EYA1: variants seen among roughly 807,000 people sequenced by gnomAD.
The protein encoded by EYA1 is EYA transcriptional coactivator and phosphatase 1.
In EYA1, 16 loss-of-function variants were observed where a neutral mutation model predicts 82.0. The observed-to-expected ratio is 0.20, with a 90% CI of 0.13 to 0.30. EYA1 has a LOEUF of 0.30. EYA1 is among the 10% of genes least tolerant of loss of function. EYA1 has a pLI of 1.00. For missense variants in EYA1, 633 were observed against 730.7 expected (o/e 0.87, Z 1.54); for synonymous variants, 261 against 264.4 (o/e 0.99, Z 0.12).
chr8:71,245,403 G>A (rs754440014), intron 11 of EYA1, among the ~76,000 whole-genome samples: 2 of 151,536 alleles, frequency 1.3e-5, no homozygotes, highest in East Asian at 3.9e-4. Context: ...ATTTTTTTTT[G>A]TATTTTTAGT....
chr8:71,250,480 G>A (rs149178384), intron 11 of EYA1, among the ~76,000 whole-genome samples: 243 of 152,314 alleles, frequency 1.6e-3, no homozygotes, highest in African/African-American at 5.7e-3. Context: ...AGCTCTATGT[G>A]TTCTTGTCTC....
rs889142887 is a variant in EYA1 at position 71,277,954 on chromosome 8, C to T, written c.827-6057G>A. ...TCCACATAAGATAATTAAATTTTTACATCTGTAAATACCACAGATTTCCAT... is the reference window on the plus strand; with the variant it reads ...TCCACATAAGATAATTAAATTTTTATATCTGTAAATACCACAGATTTCCAT... On this transcript the variant is annotated intron_variant, in intron 9 of 17. Transcript: ENST00000340726. Among the ~76,000 whole-genome samples the T allele has an allele frequency of 5.9e-5, 9 of 152,230 alleles. No homozygotes were observed. In the East Asian group the frequency reaches 1.7e-3, roughly 29 times the overall value.
At chr8:71,285,094 T>C (rs1252801622) in intron 9 of EYA1, among the ~76,000 whole-genome samples, 3 of 152,232 alleles carry the variant, frequency 2.0e-5, no homozygotes, top group Non-Finnish European at 4.4e-5. Context: ...CAATGGCTGG[T>C]AATGAAACGT....
At chr8:71,434,696 T>C (rs1024728407) in intron 2 of EYA1, among the ~76,000 whole-genome samples, 1 of 152,278 alleles carries the variant, frequency 6.6e-6, no homozygotes, top group East Asian at 1.9e-4. Context: ...TGTTTATTGA[T>C]AGTTAGGGAT....
chr8:71,463,702 T>C (rs1240173960), intron 2 of EYA1, among the ~76,000 whole-genome samples: 1 of 146,558 alleles, frequency 6.8e-6, no homozygotes, highest in African/African-American at 2.5e-5. Context: ...ATATACATGT[T>C]AGGGTACATC....
intron 17 of EYA1, among the ~76,000 whole-genome samples, chr8:71,199,754 T>G (rs1806712466): frequency 6.6e-6 from 1 of 152,198 alleles, no homozygotes; most frequent in African/African-American, 2.4e-5. Context: ...ATCCAGTGGG[T>G]TTTTCATGCT....
intron 3 of EYA1, among the ~76,000 whole-genome samples, chr8:71,336,956 T>A (rs577406567): frequency 6.6e-6 from 1 of 152,356 alleles, no homozygotes; most frequent in South Asian, 2.1e-4. Flanking sequence ...CAGAGACTAC[T>A]TCTGGCTTTA....
At chr8:71,323,223 AT>A (rs1427612691) in intron 4 of EYA1, among the ~76,000 whole-genome samples, 2 of 151,956 alleles carry the variant, frequency 1.3e-5, no homozygotes, top group African/African-American at 4.8e-5. Flanking sequence ...ACATGTACAT[AT>A]TTTTTTCCTC....
chr8:71,266,305 T>A (rs144276173), intron 11 of EYA1, among the ~76,000 whole-genome samples: 17 of 152,280 alleles, frequency 1.1e-4, no homozygotes, highest in African/African-American at 3.9e-4. Context: ...TTAAGACTTT[T>A]CTCCTCAGTG....
At chr8:71,419,347 C>CA (rs1831022018) in intron 2 of EYA1, among the ~76,000 whole-genome samples, 1 of 152,136 alleles carries the variant, frequency 6.6e-6, no homozygotes, top group Non-Finnish European at 1.5e-5. Context: ...CTTAAAGCAG[C>CA]ACAAAGCATA....
At chr8:71,433,400 TAAAC>T (rs1326442194) in intron 2 of EYA1, among the ~76,000 whole-genome samples, 3 of 152,182 alleles carry the variant, frequency 2.0e-5, no homozygotes, top group African/African-American at 7.2e-5. Context: ...GATTTTAAAT[TAAAC>T]AGACATAAAT....
At chr8:71,296,645 C>T (rs1173442796) in intron 9 of EYA1, among the ~76,000 whole-genome samples, 1 of 151,414 alleles carries the variant, frequency 6.6e-6, no homozygotes, top group African/African-American at 2.4e-5. Context: ...AAAAAAAAGA[C>T]CCGAAATTAT....
chr8:71,474,386 A>T (rs182789297), intron 2 of EYA1, among the ~76,000 whole-genome samples: 1 of 152,200 alleles, frequency 6.6e-6, no homozygotes, highest in Admixed American at 6.5e-5. Flanking sequence ...TAAAACCAAG[A>T]GAAATAGCAG....
At chr8:71,340,727 T>C (rs1825028012) in intron 3 of EYA1, among the ~76,000 whole-genome samples, 1 of 152,210 alleles carries the variant, frequency 6.6e-6, no homozygotes, top group Admixed American at 6.5e-5. Context: ...CAATATATAA[T>C]AAACTGCTTC....
intron 3 of EYA1, among the ~76,000 whole-genome samples, chr8:71,343,696 T>C (rs373922620): frequency 8.5e-5 from 13 of 152,338 alleles, no homozygotes; most frequent in African/African-American, 3.1e-4. Context: ...TAAATTATCT[T>C]GTTTCAAGTA....
chr8:71,228,709 A>C (rs1810847875), intron 12 of EYA1, among the ~76,000 whole-genome samples: 1 of 152,188 alleles, frequency 6.6e-6, no homozygotes, highest in South Asian at 2.1e-4. Flanking sequence ...TCAACTAATA[A>C]GGACTGAACA....
intron 1 of EYA1, among the ~76,000 whole-genome samples, chr8:71,540,991 C>T (rs1215555040): frequency 1.3e-5 from 2 of 152,124 alleles, no homozygotes; most frequent in Admixed American, 1.3e-4. Context: ...TGAAATGAAC[C>T]GTTGGATAAA....
At chr8:71,322,558 G>A (rs1011426786) in intron 4 of EYA1, 1 of 417,438 alleles carries the variant, frequency 2.4e-6, no homozygotes, top group East Asian at 5.2e-5. Flanking sequence ...TTTTTACAGT[G>A]GCAATACTTA....
At chr8:71,347,485 G>C (rs945934642) in intron 3 of EYA1, among the ~76,000 whole-genome samples, 2 of 151,966 alleles carry the variant, frequency 1.3e-5, no homozygotes, top group Non-Finnish European at 1.5e-5. Flanking sequence ...GCCTCGCCTG[G>C]ATAATTTTTT....
Sources: gnomAD v4.1 joint callset for allele counts (sites outside exome capture counted in the v4.1 genomes callset) on GRCh38, gnomAD v4.1.1 for gene constraint, MANE v1.5 for transcripts, NCBI Gene and HGNC (gene_info 2026-07-23, HGNC 2026-07-21) for gene names.